The following COMMD1 variants were observed in gnomAD, a reference collection of about 807,000 sequenced individuals.
The protein encoded by COMMD1 is COMM domain-containing protein 1.
A neutral mutation model predicts 17.2 loss-of-function variants in COMMD1; 10 were observed. The observed-to-expected ratio is 0.58, with a 90% CI of 0.36 to 0.99. The LOEUF is 0.99. Ranked by LOEUF, COMMD1 falls within the 50% of genes least tolerant of loss-of-function variation. The pLI is 0.01. For synonymous variants in COMMD1, 97 were observed against 91.6 expected (o/e 1.06, Z -0.34); for missense variants, 270 against 231.8 (o/e 1.17, Z -1.07).
chr2:61,889,310 G>A (rs958709200), intron 1 of COMMD1, among the ~76,000 whole-genome samples: 1 of 141,546 alleles, frequency 7.1e-6, no homozygotes, highest in African/African-American at 2.6e-5. Context: ...GGGCCCAAGC[G>A]ATCCTCCCGC....
chr2:61,927,347 T>G (rs1426909520), intron 1 of COMMD1, among the ~76,000 whole-genome samples: 1 of 152,148 alleles, frequency 6.6e-6, no homozygotes, highest in East Asian at 1.9e-4. Context: ...ACAACTTAGT[T>G]TTAGTAGTGG....
intron 2 of COMMD1, chr2:62,084,786 C>T (rs1205357672): frequency 1.3e-5 from 2 of 152,284 alleles, no homozygotes; most frequent in East Asian, 3.9e-4. Context: ...TTATAACTGG[C>T]CTACATCTAG....
At chr2:61,900,174 G>T (rs1195778746) in intron 1 of COMMD1, among the ~76,000 whole-genome samples, 1 of 152,150 alleles carries the variant, frequency 6.6e-6, no homozygotes, top group African/African-American at 2.4e-5. Flanking sequence ...GTCCTGAGGT[G>T]GTCAGATTAC....
intron 1 of COMMD1, among the ~76,000 whole-genome samples, chr2:61,975,171 C>G (rs1397209031): frequency 1.7e-5 from 1 of 60,408 alleles, no homozygotes; most frequent in African/African-American, 6.5e-5. Context: ...TAATTTTCCT[C>G]TTTGGGAACT....
intron 2 of COMMD1, among the ~76,000 whole-genome samples, chr2:62,085,857 T>TGTA (rs1468295703): frequency 3.6e-4 from 55 of 152,072 alleles, no homozygotes; most frequent in African/African-American, 8.7e-4. Context: ...GGCGGGCGCC[T>TGTA]GTCCCAGCTA....
chr2:62,076,337 G>C (rs921993795), intron 2 of COMMD1, among the ~76,000 whole-genome samples: 1 of 152,246 alleles, frequency 6.6e-6, no homozygotes, highest in Non-Finnish European at 1.5e-5. Flanking sequence ...TGAGGCAAGA[G>C]GTGGTGAGGT....
chr2:62,088,537 C>T (rs1671737323), intron 2 of COMMD1, among the ~76,000 whole-genome samples: 1 of 152,198 alleles, frequency 6.6e-6, no homozygotes. Flanking sequence ...CCCTTATCTA[C>T]AGTCCATTTG....
intron 2 of COMMD1, among the ~76,000 whole-genome samples, chr2:62,130,418 G>T (rs1672999560): frequency 6.6e-6 from 1 of 152,016 alleles, no homozygotes; most frequent in Admixed American, 6.6e-5. Flanking sequence ...GCGATTACAG[G>T]TGCACACCTA....
At chr2:61,917,920 A>G (rs532511043) in intron 1 of COMMD1, among the ~76,000 whole-genome samples, 1 of 152,234 alleles carries the variant, frequency 6.6e-6, no homozygotes, top group African/African-American at 2.4e-5. Flanking sequence ...TAAAGTGTTT[A>G]TATTAGGAAA....
chr2:61,903,289 C>A (rs868336153), upstream of COMMD1, among the ~76,000 whole-genome samples: 5 of 151,788 alleles, frequency 3.3e-5, no homozygotes, highest in South Asian at 8.3e-4. Context: ...ACAAAAAATA[C>A]AAAAATTAGC....
At chr2:61,898,876 A>G (rs886370791) in intron 1 of COMMD1, among the ~76,000 whole-genome samples, 6 of 152,144 alleles carry the variant, frequency 3.9e-5, no homozygotes, top group African/African-American at 9.7e-5. Context: ...CAGCTTTGTT[A>G]TCTACAAAAT....
intron 2 of COMMD1, among the ~76,000 whole-genome samples, chr2:62,008,002 C>T (rs563936464): frequency 6.6e-6 from 1 of 152,022 alleles, no homozygotes; most frequent in Admixed American, 6.6e-5. Flanking sequence ...ATCAACATGG[C>T]GAGACCCCAT....
intron 1 of COMMD1, among the ~76,000 whole-genome samples, chr2:61,908,742 G>C (rs964079135): frequency 6.7e-6 from 1 of 149,456 alleles, no homozygotes; most frequent in Non-Finnish European, 1.5e-5. Context: ...TTGTTTTTTT[G>C]TTTTTCAGTA....
At chr2:61,940,229 TC>T (rs1297452131) in intron 1 of COMMD1, among the ~76,000 whole-genome samples, 10 of 152,198 alleles carry the variant, frequency 6.6e-5, no homozygotes, top group Admixed American at 3.3e-4. Flanking sequence ...TCTTTCTAGT[TC>T]CCATTTAGTA....
chr2:62,005,263 A>G (rs1416317766), intron 2 of COMMD1, among the ~76,000 whole-genome samples: 3 of 152,220 alleles, frequency 2.0e-5, no homozygotes, highest in African/African-American at 7.2e-5. Flanking sequence ...TTACAACAAG[A>G]ATTCAATATA....
At chr2:62,002,715 G>T (rs995252863) in intron 2 of COMMD1, among the ~76,000 whole-genome samples, 1 of 151,408 alleles carries the variant, frequency 6.6e-6, no homozygotes, top group Non-Finnish European at 1.5e-5. Flanking sequence ...AAATTGCCGG[G>T]CATGGTGGCG....
intron 2 of COMMD1, among the ~76,000 whole-genome samples, chr2:62,129,341 C>A (rs755175475): frequency 1.3e-5 from 2 of 152,030 alleles, no homozygotes; most frequent in African/African-American, 2.4e-5. Flanking sequence ...CCCCACAGGA[C>A]ATGGAATAAG....
At chr2:61,985,807 A>G (rs1328114993) in intron 1 of COMMD1, among the ~76,000 whole-genome samples, 2 of 151,896 alleles carry the variant, frequency 1.3e-5, no homozygotes, top group Non-Finnish European at 2.9e-5. Flanking sequence ...TTTTGTTTCT[A>G]TTTTATATTT....
rs185589206 is a variant in COMMD1, at chr2:62,120,447, A to G, written c.463-15384A>G. Among the ~76,000 whole-genome samples, 894 of 152,250 alleles carry G rather than the reference A, an allele frequency of 5.9e-3. 22 individuals are homozygous for G. The highest frequency in any genetic ancestry group is 0.043 in the Admixed American group (663 of 15,298). ...ATGAGGGGCCCTAATCTGAACTTCA[A>G]ACTAAAATCAACAACACTCTTTTTT... On this transcript the variant is annotated intron_variant, in intron 2 of 2. Coordinates refer to ENST00000311832, the MANE Select transcript of COMMD1 (RefSeq NM_152516.4).
Sources: allele counts gnomAD v4.1 joint callset (sites outside exome capture counted in the v4.1 genomes callset), GRCh38; gene constraint gnomAD v4.1.1; transcripts MANE v1.5; gene names NCBI Gene and HGNC (gene_info 2026-07-23, HGNC 2026-07-21).